The following GPR141 variants were observed in gnomAD, a reference collection of about 807,000 sequenced individuals.
GPR141 encodes probable G protein-coupled receptor 141.
In GPR141, 6 loss-of-function variants were observed where a neutral mutation model predicts 6.8. The observed-to-expected ratio is 0.88, with a 90% CI of 0.48 to 1.74. GPR141 has a LOEUF of 1.74. GPR141 is among the 40% of genes most tolerant of loss of function. GPR141 has a pLI of 0.01. For missense variants in GPR141, 372 were observed against 372.9 expected (o/e 1.00, Z 0.02); for synonymous variants, 140 against 142.3 (o/e 0.98, Z 0.11).
At chr7:37,717,785 A>G (rs2131806296) in intron 2 of GPR141, among the ~76,000 whole-genome samples, 1 of 152,342 alleles carries the variant, frequency 6.6e-6, no homozygotes, top group Non-Finnish European at 1.5e-5. Context: ...CCTTGAGGGC[A>G]GGACTGCTCT....
intron 2 of GPR141, among the ~76,000 whole-genome samples, chr7:37,690,672 AT>A (rs1221778077): frequency 6.6e-6 from 1 of 152,132 alleles, no homozygotes; most frequent in African/African-American, 2.4e-5. Flanking sequence ...GTAAGAAAAG[AT>A]ATTTGATATT....
intron 2 of GPR141, among the ~76,000 whole-genome samples, chr7:37,726,888 G>A (rs10272376): frequency 0.065 from 9,881 of 152,264 alleles, 409 homozygotes; most frequent in Middle Eastern, 0.095. Flanking sequence ...AGAGACAGGG[G>A]ATAGGAGTTG....
chr7:37,701,609 A>C (rs577586208), intron 2 of GPR141, among the ~76,000 whole-genome samples: 2 of 152,214 alleles, frequency 1.3e-5, no homozygotes, highest in African/African-American at 4.8e-5. Context: ...TGTTTGCCTG[A>C]ATTTCAAATT....
chr7:37,699,909 G>C (rs78886518), intron 2 of GPR141, among the ~76,000 whole-genome samples: 2,754 of 152,318 alleles, frequency 0.018, 159 homozygotes, highest in Admixed American at 0.11. Flanking sequence ...TTTTCCATCT[G>C]TATAGTGACA....
At chr7:37,689,230 A>C (rs889868251) in intron 2 of GPR141, among the ~76,000 whole-genome samples, 1 of 152,108 alleles carries the variant, frequency 6.6e-6, no homozygotes, top group African/African-American at 2.4e-5. Flanking sequence ...TTCTATCCTT[A>C]GGATAAATCC....
At chr7:37,699,095 G>C (rs1810155905) in intron 2 of GPR141, among the ~76,000 whole-genome samples, 1 of 152,178 alleles carries the variant, frequency 6.6e-6, no homozygotes, top group Non-Finnish European at 1.5e-5. Context: ...AAATGGCCTG[G>C]CTTTGACTTT....
Position 37,741,513 on chromosome 7 carries a change from T to C in GPR141, c.*202T>C, listed in dbSNP as rs1448731089. ...TGAGTGATGGCCGTACAAAGACCAGTGTTGTTGAATCCACCTGGAGTTGCA... is the reference window on the plus strand; with the variant it reads ...TGAGTGATGGCCGTACAAAGACCAGCGTTGTTGAATCCACCTGGAGTTGCA... On this transcript the variant is annotated 3_prime_UTR_variant, in exon 3 of 3. Coordinates refer to ENST00000334425, the MANE Select transcript of GPR141 (RefSeq NM_001381946.1). 3 of 513,272 alleles carry C rather than the reference T, an allele frequency of 5.8e-6. No individual in the cohort carries two copies. The highest frequency in any genetic ancestry group is 3.1e-5 in the East Asian group (1 of 32,290). The allele number at this position is 513,272 out of a possible 1,614,324, so 31.8% of individuals were successfully genotyped here.
chr7:37,697,544 C>T (rs1810078626), intron 2 of GPR141, among the ~76,000 whole-genome samples: 4 of 152,172 alleles, frequency 2.6e-5, no homozygotes, highest in African/African-American at 9.7e-5. Flanking sequence ...CCTCCATGCT[C>T]AGGCATGAGT....
chr7:37,742,651 T>C lies in GPR141; in HGVS notation c.*1340T>C, dbSNP rs1313603744. Among the ~76,000 whole-genome samples the C allele has an allele frequency of 6.6e-6, 1 of 152,172 alleles. No individual in the cohort carries two copies. Among genetic ancestry groups the C allele is most frequent in the East Asian group, 1.9e-4 (1 of 5,206 alleles). On this transcript the variant is annotated 3_prime_UTR_variant, in exon 3 of 3. Coordinates refer to ENST00000334425, the MANE Select transcript of GPR141 (RefSeq NM_001381946.1). ...TTAGACTCTGTGAGATTAGGTTGCATGAAGAAGGTTTTCTGAATATTTGAA... is the reference window on the plus strand; with the variant it reads ...TTAGACTCTGTGAGATTAGGTTGCACGAAGAAGGTTTTCTGAATATTTGAA...
intron 2 of GPR141, among the ~76,000 whole-genome samples, chr7:37,695,676 C>A (rs375358127): frequency 6.6e-6 from 1 of 152,144 alleles, no homozygotes; most frequent in East Asian, 1.9e-4. Flanking sequence ...TCTGCTTTAG[C>A]CTTTTTTATT....
intron 2 of GPR141, among the ~76,000 whole-genome samples, chr7:37,696,437 T>C (rs992804034): frequency 6.6e-6 from 1 of 152,158 alleles, no homozygotes; most frequent in South Asian, 2.1e-4. Flanking sequence ...TTTTCATGCA[T>C]TACCGCCCAC....
chr7:37,718,043 A>G (rs1483018123), intron 2 of GPR141, among the ~76,000 whole-genome samples: 1 of 151,984 alleles, frequency 6.6e-6, no homozygotes, highest in Non-Finnish European at 1.5e-5. Flanking sequence ...ATAACTAGTA[A>G]GGGTGATTAG....
chr7:37,700,831 G>A (rs1415716932), intron 2 of GPR141, among the ~76,000 whole-genome samples: 1 of 152,080 alleles, frequency 6.6e-6, no homozygotes, highest in Non-Finnish European at 1.5e-5. Context: ...GAAATTTGAA[G>A]CCAGATCTTC....
chr7:37,730,484 C>A (rs1347868076), intron 2 of GPR141, among the ~76,000 whole-genome samples: 1 of 152,210 alleles, frequency 6.6e-6, no homozygotes, highest in African/African-American at 2.4e-5. Context: ...CTAAAGCTGG[C>A]ATCCAGGAAA....
intron 2 of GPR141, among the ~76,000 whole-genome samples, chr7:37,702,309 CCTTT>C (rs1339143449): frequency 6.6e-6 from 1 of 151,878 alleles, no homozygotes; most frequent in East Asian, 1.9e-4. Flanking sequence ...ATTTTTCTCT[CCTTT>C]CTTCTTCCCT....
intron 2 of GPR141, among the ~76,000 whole-genome samples, chr7:37,706,621 CCAAA>C (rs201380681): frequency 0.018 from 2,704 of 152,112 alleles, 152 homozygotes; most frequent in Admixed American, 0.1. Flanking sequence ...AGGATTCTAG[CCAAA>C]CAAAGGCCAC....
intron 2 of GPR141, among the ~76,000 whole-genome samples, chr7:37,734,383 T>C (rs1812131388): frequency 6.6e-6 from 1 of 152,232 alleles, no homozygotes; most frequent in African/African-American, 2.4e-5. Flanking sequence ...AAGTAACGCA[T>C]TGTTCTCTTA....
intron 2 of GPR141, among the ~76,000 whole-genome samples, chr7:37,708,166 G>A (rs1450312576): frequency 2.6e-5 from 4 of 151,910 alleles, no homozygotes; most frequent in Non-Finnish European, 5.9e-5. Context: ...TTTATAAGTG[G>A]CCATACTGAA....
At chr7:37,722,391 G>A (rs1270688689) in intron 2 of GPR141, among the ~76,000 whole-genome samples, 3 of 149,980 alleles carry the variant, frequency 2.0e-5, no homozygotes, top group Non-Finnish European at 4.4e-5. Context: ...AGGAGCTTGA[G>A]ACCAGCCTAA....
Sources: gnomAD v4.1 joint callset for allele counts (sites outside exome capture counted in the v4.1 genomes callset) on GRCh38, gnomAD v4.1.1 for gene constraint, MANE v1.5 for transcripts, NCBI Gene and HGNC (gene_info 2026-07-23, HGNC 2026-07-21) for gene names.